Variants in CDAN1 observed in about 807,000 individuals in gnomAD.
CDAN1 encodes codanin-1.
In CDAN1, 107 loss-of-function variants were observed where a neutral mutation model predicts 139.8. That is an observed-to-expected ratio of 0.77 (90% confidence interval 0.65 to 0.90). The LOEUF (loss-of-function observed/expected upper bound fraction) is 0.90. Among genes scored for constraint, CDAN1 ranks in the 40% least tolerant of loss-of-function variants. The pLI is 0.00. For synonymous variants in CDAN1, 776 were observed against 660.6 expected, an observed-to-expected ratio of 1.17 and a Z score of -2.68; for missense variants, 1,667 against 1,575.7, an observed-to-expected ratio of 1.06 and a Z score of -0.98.
Position 42,734,276 on chromosome 15 carries a change from G to C in CDAN1, c.1207C>G (p.Pro403Ala). 6.2e-7 allele frequency: 1 copy of C among 1,614,078 alleles called. No individual in the cohort carries two copies. Among genetic ancestry groups the C allele is most frequent in the Non-Finnish European group, 8.5e-7 (1 of 1,180,024 alleles). The change falls in exon 7 of 28, where the codon CCA becomes GCA. Residue 403 changes from proline to alanine, a missense_variant. By Grantham distance (27) the Pro-to-Ala change is conservative (BLOSUM62 -1). This residue lies in a region of CDAN1 where 244 missense variants were observed against 309.4 expected (regional missense o/e 0.79). Transcript: ENST00000356231. ...AENERLLCFS[P>A]ALQGRLRAAY... The stretch of plus-strand genomic sequence containing the variant: ...GCTCGAAGGCGGCCTTGCAGAGCTG[G>C]TGAGAAGCACAGCAGCCGCTCATTC...
In CDAN1 at chr15:42,727,688, CG is replaced by C. The variant is rs1566980446; in HGVS notation, c.3028del (p.Arg1010GlyfsTer22). On this transcript the variant is annotated frameshift_variant, in exon 23 of 28. Coordinates refer to ENST00000356231, the MANE Select transcript of CDAN1 (RefSeq NM_138477.4). LOFTEE classifies it high-confidence loss of function. ...CTCACAGGCGCGGGAGCAGCCCCTC[CG>C]CTCCCCCCGGGCAGCAGGTTCAGGA... ...QGPEPAARGE[R>X]RGCSRACEHH... is the part of the protein sequence containing the mutation. 6.3e-7 allele frequency: 1 copy of C among 1,585,942 alleles called. No homozygotes were observed. Among genetic ancestry groups the C allele is most frequent in the Non-Finnish European group, 8.6e-7 (1 of 1,162,478 alleles).
At chr15:42,725,024 G>A in intron 27 of CDAN1, 120 bp downstream of exon 27, 2 of 790,996 alleles carry the variant, frequency 2.5e-6, no homozygotes, top group Admixed American at 2.0e-5. Flanking sequence ...ATTTCAGGGT[G>A]GCCCTGAAGA....
At chr15:42,731,542 G>T in intron 11 of CDAN1, 78 bp downstream of exon 11, 1 of 1,514,134 alleles carries the variant, frequency 6.6e-7, no homozygotes, top group South Asian at 1.1e-5. Context: ...AAGGAGACTG[G>T]AGAACTATTT....
chr15:42,728,119 A>C (rs1595852789), intron 21 of CDAN1, 85 bp downstream of exon 21: 1 of 1,584,922 alleles, frequency 6.3e-7, no homozygotes, highest in South Asian at 1.1e-5. Context: ...CCCCGCCCCC[A>C]CACACCCTCC....
At chr15:42,725,416 C>T in intron 26 of CDAN1, 73 bp downstream of exon 26, 1 of 1,578,010 alleles carries the variant, frequency 6.3e-7, no homozygotes, top group African/African-American at 1.3e-5. Context: ...TGCAGAGCAG[C>T]TCATAGTTTG....
chr15:42,727,276 G>C (rs2061541168), intron 23 of CDAN1: 1 of 233,892 alleles, frequency 4.3e-6, no homozygotes, highest in African/African-American at 2.3e-5. Context: ...TTCTGAAATT[G>C]TCTCCAAATA....
At position 42,736,479 on chromosome 15, in the gene CDAN1, C is replaced by A. The variant is rs1165157914; in HGVS notation, c.392G>T (p.Arg131Leu). Residue 131 changes from arginine to leucine, a missense_variant, in exon 2 of 28, where the codon CGT becomes CTT. Transcript: ENST00000356231. ...CCCCTCCTCCAGGCCGCGGCCTCCACGCTCGCGGGCCGGCCCCGGGCCCCG... is the reference window on the plus strand; with the variant it reads ...CCCCTCCTCCAGGCCGCGGCCTCCAAGCTCGCGGGCCGGCCCCGGGCCCCG... ...RRRGPGPARERGGRGLEEGVS... is the reference protein window; with the variant it reads ...RRRGPGPARELGGRGLEEGVS... 1 of 1,469,082 alleles carries A rather than the reference C, an allele frequency of 6.8e-7. No individual in the cohort carries two copies. Among genetic ancestry groups the A allele is most frequent in the Non-Finnish European group, 9.0e-7 (1 of 1,116,652 alleles). The allele number at this position is 1,469,082 out of a possible 1,614,324, so 91.0% of individuals were successfully genotyped here.
At position 42,736,516 on chromosome 15, in the gene CDAN1, C is replaced by T; in HGVS notation, c.355G>A (p.Gly119Arg). The T allele has an allele frequency of 7.1e-7, 1 of 1,412,614 alleles. No homozygotes were observed. Among genetic ancestry groups the T allele is most frequent in the Non-Finnish European group, 9.2e-7 (1 of 1,088,158 alleles). The allele number at this position is 1,412,614 out of a possible 1,614,324, so 87.5% of individuals were successfully genotyped here. ...TAAEAPLARR[G>R]GRRRGPGPAR... ...GGCCCCGGGCCCCGCCTCCTGCCCC[C>T]GCGGCGGGCCAGAGGGGCCTCGGCA... The change falls in exon 2 of 28, where the codon GGG becomes AGG. Residue 119 changes from glycine to arginine, a missense_variant. Around this residue, in one of 3 missense-constraint regions of CDAN1, gnomAD observed 487 missense variants for 422.2 expected, o/e 1.15. Coordinates refer to ENST00000356231, the MANE Select transcript of CDAN1 (RefSeq NM_138477.4).
At chr15:42,727,397 T>C (rs1042666440) in intron 23 of CDAN1, among the ~76,000 whole-genome samples, 1 of 152,216 alleles carries the variant, frequency 6.6e-6, no homozygotes, top group African/African-American at 2.4e-5. Flanking sequence ...GCTGCCCTTT[T>C]CCCCTTTTGG....
rs764025922 is a variant in CDAN1, at chr15:42,727,674, G to A, written c.3043C>T (p.Arg1015Cys). The part of the protein sequence containing the change: ...AARGERRGCS[R>C]ACEHHAPLPS... Reference sequence around the variant, plus strand: ...AGGGGAGCATGGTGCTCACAGGCGCGGGAGCAGCCCCTCCGCTCCCCCCGG... The same window carrying A: ...AGGGGAGCATGGTGCTCACAGGCGCAGGAGCAGCCCCTCCGCTCCCCCCGG... Residue 1015 changes from arginine to cysteine, a missense_variant, in exon 23 of 28, where the codon CGC becomes TGC. Around this residue, in one of 3 missense-constraint regions of CDAN1, gnomAD observed 936 missense variants for 844.1 expected, o/e 1.11. Transcript: ENST00000356231. The A allele has an allele frequency of 3.1e-5, 50 of 1,589,692 alleles. No homozygotes were observed. The highest frequency in any genetic ancestry group is 9.4e-5 in the African/African-American group (7 of 74,364).
In CDAN1 at chr15:42,729,569, G is replaced by T; in HGVS notation, c.2406C>A (p.Ile802=). The T allele has an allele frequency of 6.2e-7, 1 of 1,614,168 alleles. No homozygotes were observed. Among genetic ancestry groups the T allele is most frequent in the Non-Finnish European group, 8.5e-7 (1 of 1,180,022 alleles). The change falls in exon 17 of 28, where the codon ATC becomes ATA. Residue 802 remains isoleucine (I), a splice_region_variant and synonymous_variant. Coordinates refer to ENST00000356231, the MANE Select transcript of CDAN1 (RefSeq NM_138477.4). ...CGTCCAGGGAAGACCGGTGCTCACC[G>T]ATGTAGGGGCAGCAGGTGTAGAGCA... ...QQLLYTCCPY[I]GELRKLLASW...
rs189854613 is a variant in CDAN1, at chr15:42,731,079, G to T, written c.1861-8C>A. 1.2e-6 allele frequency: 2 copies of T among 1,614,200 alleles called. No homozygotes were observed. The highest frequency in any genetic ancestry group is 1.1e-5 in the South Asian group (1 of 91,074). On this transcript the variant is annotated splice_polypyrimidine_tract_variant and splice_region_variant and intron_variant, in intron 12 of 27. Transcript: ENST00000356231. Reference sequence around the variant, plus strand: ...AAATTGCTTCCGCTCACCCTGCATGGAATCAAGGGAAGTAAAAGGTCCAAG... The same window carrying T: ...AAATTGCTTCCGCTCACCCTGCATGTAATCAAGGGAAGTAAAAGGTCCAAG...
rs750240635 is a variant in CDAN1, at chr15:42,724,006, G to T, written c.*485C>A. On this transcript the variant is annotated 3_prime_UTR_variant, in exon 28 of 28. Transcript: ENST00000356231. The stretch of plus-strand genomic sequence containing the variant: ...ATTACAGGCATGAGCCACCAGACCC[G>T]GCCTGTGTTAGGCATTTATAAGGAG... 1 of 205,798 alleles carries T rather than the reference G, an allele frequency of 4.9e-6. No individual in the cohort carries two copies. The highest frequency in any genetic ancestry group is 1.0e-5 in the Non-Finnish European group (1 of 100,304). The allele number at this position is 205,798 out of a possible 1,614,324, so 12.7% of individuals were successfully genotyped here.
In CDAN1 at chr15:42,728,721, G is replaced by A. The variant is rs143086237; in HGVS notation, c.2735C>T (p.Ala912Val). The A allele has an allele frequency of 2.1e-4, 337 of 1,614,196 alleles. 1 individual carries two copies. The African/African-American group carries it at 4.0e-3, about 19-fold the overall frequency. The change falls in exon 20 of 28, where the codon GCC becomes GTC. Residue 912 changes from alanine (A) to valine (V), a missense_variant. By Grantham distance (64) the Ala-to-Val change is moderately conservative (BLOSUM62 0). Transcript: ENST00000356231. ...VTQGEEGGDP[A>V]QLLEILCSQL... ...GGAACACAAGATCTCCAACAGCTGG[G>A]CTGGGTCTCCCCCTTCCTCTCCCTG...
chr15:42,731,573 C>T (rs757627498), intron 11 of CDAN1, 47 bp downstream of exon 11: 7 of 1,600,580 alleles, frequency 4.4e-6, no homozygotes, highest in Non-Finnish European at 6.0e-6. Flanking sequence ...GAAGCCAAAC[C>T]TTTCCTGGCC....
At chr15:42,729,203 C>T (rs762756043) in intron 18 of CDAN1, 26 bp downstream of exon 18, 3 of 1,611,956 alleles carry the variant, frequency 1.9e-6, no homozygotes, top group South Asian at 1.1e-5. Flanking sequence ...TCATTTTCCC[C>T]ACGGCTGTCT....
In CDAN1 at chr15:42,724,400, A is replaced by C. The variant is rs2061495656; in HGVS notation, c.*91T>G. 3 of 1,501,860 alleles carry C rather than the reference A, an allele frequency of 2.0e-6. No homozygotes were observed. The highest frequency in any genetic ancestry group is 1.4e-5 in the African/African-American group (1 of 72,184). 93.0% of individuals were successfully genotyped at this position (1,501,860 alleles called of 1,614,324 possible). ...CTGTAGACCCAGCTACACCCCAACC[A>C]GTGAGGGTCTGCATTGGGCACTTGG... On this transcript the variant is annotated 3_prime_UTR_variant, in exon 28 of 28. Coordinates refer to ENST00000356231, the MANE Select transcript of CDAN1 (RefSeq NM_138477.4).
In CDAN1 at chr15:42,730,669, G is replaced by A. The variant is rs753088245; in HGVS notation, c.2103C>T (p.Ser701=). 1.7e-5 allele frequency: 27 copies of A among 1,614,034 alleles called. No homozygotes were observed. The highest frequency in any genetic ancestry group is 6.7e-5 in the Admixed American group (4 of 60,004). ...GCAAGGGAACAACATGGTCAGCAAA[G>A]GAGAGAAACTCCACCAGCCAGGGCA... ...LTVPWLVEFL[S]FADHVVPLLE... The change falls in exon 14 of 28, where the codon TCC becomes TCT. Residue 701 remains serine, a synonymous_variant. Coordinates refer to ENST00000356231, the MANE Select transcript of CDAN1 (RefSeq NM_138477.4).
rs372350419 is a variant in CDAN1 at position 42,730,172 on chromosome 15, G to A, written c.2218C>T (p.Leu740=). 2.5e-6 allele frequency: 4 copies of A among 1,614,094 alleles called. No homozygotes were observed. The highest frequency in any genetic ancestry group is 3.4e-6 in the Non-Finnish European group (4 of 1,180,048). Residue 740 remains leucine (L), a synonymous_variant, in exon 15 of 28, where the codon CTG becomes TTG. Transcript: ENST00000356231. ...SQESEGKMCF[L]NKLLLLAVLG... ...ACAGCAAGTAGCAGCAGCTTGTTCAGGAAACACATCTTCCCCTCACTCTCC... is the reference window on the plus strand; with the variant it reads ...ACAGCAAGTAGCAGCAGCTTGTTCAAGAAACACATCTTCCCCTCACTCTCC...
Sources: allele counts gnomAD v4.1 joint callset (sites outside exome capture counted in the v4.1 genomes callset), GRCh38; gene constraint gnomAD v4.1.1; regional missense constraint gnomAD v4.1.1; transcripts MANE v1.5; gene names NCBI Gene and HGNC (gene_info 2026-07-23, HGNC 2026-07-21).